Variants in NAALADL2 observed in about 807,000 individuals in gnomAD.
NAALADL2 encodes the protein N-acetylated alpha-linked acidic dipeptidase like 2, also known as inactive N-acetylated-alpha-linked acidic dipeptidase-like protein 2.
A neutral mutation model predicts 87.2 loss-of-function variants in NAALADL2; 76 were observed. That is an observed-to-expected ratio of 0.87 (90% CI 0.72 to 1.05). The LOEUF is 1.05. Among genes scored for constraint, NAALADL2 ranks in the 50% least tolerant of loss-of-function variants. The pLI is 0.00. For synonymous variants in NAALADL2, 354 were observed against 331.0 expected (o/e 1.07, Z -0.75); for missense variants, 1,089 against 945.8 (o/e 1.15, Z -1.99).
chr3:174,639,530 T>A (rs375141297), intron 2 of NAALADL2, among the ~76,000 whole-genome samples: 2 of 152,192 alleles, frequency 1.3e-5, no homozygotes, highest in Non-Finnish European at 2.9e-5. Context: ...TAGGGCTTCC[T>A]GACTGTCTTT....
At chr3:174,561,195 G>T (rs1311921725) in intron 2 of NAALADL2, among the ~76,000 whole-genome samples, 9 of 141,144 alleles carry the variant, frequency 6.4e-5, no homozygotes, top group Admixed American at 3.9e-4. Flanking sequence ...CTGACTAATA[G>T]GATTCCTTTT....
chr3:174,715,323 A>G (rs937265822), intron 2 of NAALADL2, among the ~76,000 whole-genome samples: 1 of 152,180 alleles, frequency 6.6e-6, no homozygotes, highest in Non-Finnish European at 1.5e-5. Flanking sequence ...TAGAAATTGT[A>G]TGGGTATAGT....
rs138303523 is a variant in NAALADL2, at chr3:175,045,209, T to G, written c.44-51581T>G. 3.0e-3 allele frequency among the ~76,000 whole-genome samples: 458 copies of G among 152,238 alleles called. 1 individual carries two copies. Among genetic ancestry groups the G allele is most frequent in the African/African-American group, 0.01 (435 of 41,572 alleles). Reference sequence around the variant, plus strand: ...TTCTGAAACTTCACAGTGATATAACTAAGTTTAAGTCTAACTTTCATACTG... The same window carrying G: ...TTCTGAAACTTCACAGTGATATAACGAAGTTTAAGTCTAACTTTCATACTG... On this transcript the variant is annotated intron_variant, in intron 1 of 13. Coordinates refer to ENST00000454872, the MANE Select transcript of NAALADL2 (RefSeq NM_207015.3).
chr3:175,594,454 C>T (rs1464431076), intron 10 of NAALADL2, among the ~76,000 whole-genome samples: 1 of 152,108 alleles, frequency 6.6e-6, no homozygotes, highest in Non-Finnish European at 1.5e-5. Context: ...CTATCACAAA[C>T]ACCATAGTGA....
At position 175,803,303 on chromosome 3, in the gene NAALADL2, G is replaced by T; in HGVS notation, c.*100G>T. The T allele has an allele frequency of 2.8e-6, 2 of 713,674 alleles. No homozygotes were observed. The highest frequency in any genetic ancestry group is 2.2e-5 in the South Asian group (1 of 45,370). 44.2% of individuals were successfully genotyped at this position (713,674 alleles called of 1,614,324 possible). On this transcript the variant is annotated 3_prime_UTR_variant, in exon 14 of 14. Coordinates refer to ENST00000454872, the MANE Select transcript of NAALADL2 (RefSeq NM_207015.3). ...CATTGAAGGCTTATTTTCCCCAATG[G>T]CTTTTTGACAAGTATAAAGCTATTA...
At chr3:174,826,038 A>AACAACAACAACAACG in intron 3 of NAALADL2, among the ~76,000 whole-genome samples, 1 of 150,398 alleles carries the variant, frequency 6.6e-6, no homozygotes, top group Non-Finnish European at 1.5e-5. Context: ...AAACAACAAC[A>AACAACAACAACAACG]ACAACAACAA....
At chr3:174,483,955 T>C (rs1319642231) in intron 1 of NAALADL2, among the ~76,000 whole-genome samples, 1 of 152,014 alleles carries the variant, frequency 6.6e-6, no homozygotes, top group African/African-American at 2.4e-5. Context: ...TTTTTGGTAA[T>C]AGAGCTATGT....
At chr3:175,626,589 G>A (rs1488871861) in intron 10 of NAALADL2, among the ~76,000 whole-genome samples, 1 of 151,634 alleles carries the variant, frequency 6.6e-6, no homozygotes, top group Non-Finnish European at 1.5e-5. Context: ...CCCCTCTAAG[G>A]CATAATTTTC....
chr3:174,880,207 G>T (rs1010205607), intron 1 of NAALADL2, among the ~76,000 whole-genome samples: 1 of 151,886 alleles, frequency 6.6e-6, no homozygotes, highest in Non-Finnish European at 1.5e-5. Context: ...TGTACTCAAC[G>T]TATCTACCTG....
intron 2 of NAALADL2, among the ~76,000 whole-genome samples, chr3:175,216,759 C>T (rs1742615058): frequency 6.7e-6 from 1 of 149,854 alleles, no homozygotes; most frequent in Non-Finnish European, 1.5e-5. Context: ...ACCTCCACCT[C>T]CCAGGTTCAA....
intron 5 of NAALADL2, among the ~76,000 whole-genome samples, chr3:175,394,664 G>T (rs1331768268): frequency 6.6e-6 from 1 of 152,148 alleles, no homozygotes; most frequent in African/African-American, 2.4e-5. Flanking sequence ...TTGTACTACA[G>T]TAGTCTCCCC....
rs142055836 is a variant in NAALADL2 at position 175,148,258 on chromosome 3, G to A, written c.545+50967G>A. On this transcript the variant is annotated intron_variant, in intron 2 of 13. Transcript: ENST00000454872. ...CTGCTTGTATGTCTTATTTTGAGAA[G>A]TGTCTGCTCATTTTTTGCCTACTTT... Among the ~76,000 whole-genome samples, 529 of 151,774 alleles carry A rather than the reference G, an allele frequency of 3.5e-3. 2 individuals carry two copies. The highest frequency in any genetic ancestry group is 0.012 in the African/African-American group (496 of 41,434).
intron 2 of NAALADL2, among the ~76,000 whole-genome samples, chr3:175,171,766 G>A (rs1225260127): frequency 6.6e-6 from 1 of 152,056 alleles, no homozygotes; most frequent in Non-Finnish European, 1.5e-5. Flanking sequence ...CAGCAACATG[G>A]ATGAACTTTA....
intron 1 of NAALADL2, among the ~76,000 whole-genome samples, chr3:174,498,673 A>G (rs1049704939): frequency 4.0e-5 from 6 of 151,390 alleles, no homozygotes; most frequent in African/African-American, 1.5e-4. Context: ...CTATCAAACT[A>G]TTTTCCAAAG....
At chr3:174,475,047 G>A (rs909520099) in intron 1 of NAALADL2, among the ~76,000 whole-genome samples, 6 of 151,728 alleles carry the variant, frequency 4.0e-5, no homozygotes, top group Non-Finnish European at 7.4e-5. Context: ...TTTGATAAAT[G>A]GTGTCTGGAA....
chr3:175,239,885 T>C (rs867903562), intron 3 of NAALADL2, among the ~76,000 whole-genome samples: 21 of 152,254 alleles, frequency 1.4e-4, no homozygotes, highest in Non-Finnish European at 2.6e-4. Flanking sequence ...ATATAAACCA[T>C]GTAAAGCACC....
intron 4 of NAALADL2, among the ~76,000 whole-genome samples, chr3:175,260,610 C>G (rs1750865193): frequency 6.6e-6 from 1 of 152,066 alleles, no homozygotes; most frequent in Admixed American, 6.6e-5. Context: ...GGCAGAAAAC[C>G]AACAGACTTC....
intron 3 of NAALADL2, among the ~76,000 whole-genome samples, chr3:174,789,485 C>G (rs368619934): frequency 6.6e-6 from 1 of 152,294 alleles, no homozygotes; most frequent in African/African-American, 2.4e-5. Flanking sequence ...GGAACTACAT[C>G]TGTGGCTCTC....
In NAALADL2 at chr3:174,825,178, T is replaced by C. The variant is rs191719773; in HGVS notation, c.-9+87432T>C. On this transcript the variant is annotated intron_variant, in intron 3 of 3. Transcript: ENST00000434257. Reference sequence around the variant, plus strand: ...AGGAATTGGCACACATGATGGAGGCTGAGAAGTCTCATGATATACTACCTG... The same window carrying C: ...AGGAATTGGCACACATGATGGAGGCCGAGAAGTCTCATGATATACTACCTG... 3.6e-3 allele frequency among the ~76,000 whole-genome samples: 553 copies of C among 152,338 alleles called. 3 individuals are homozygous for C. The highest frequency in any genetic ancestry group is 0.02 in the Middle Eastern group (6 of 294).
Sources: gnomAD v4.1 joint callset for allele counts (sites outside exome capture counted in the v4.1 genomes callset) on GRCh38, gnomAD v4.1.1 for gene constraint, MANE v1.5 for transcripts, NCBI Gene and HGNC (gene_info 2026-07-23, HGNC 2026-07-21) for gene names.